Variants in CACNA1C observed in about 807,000 individuals in gnomAD.
CACNA1C encodes calcium voltage-gated channel subunit alpha1 C.
CACNA1C carries 30 observed loss-of-function variants against 229.0 expected under a neutral mutation model. The observed-to-expected ratio is 0.13, with a 90% CI of 0.10 to 0.18. The LOEUF (loss-of-function observed/expected upper bound fraction) is 0.18. Ranked by LOEUF, CACNA1C falls within the 10% of genes least tolerant of loss-of-function variation. The pLI is 1.00. For synonymous variants in CACNA1C, 1,114 were observed against 1,132.5 expected, an observed-to-expected ratio of 0.98 and a Z score of 0.33; for missense variants, 1,658 against 2,845.0, an observed-to-expected ratio of 0.58 and a Z score of 9.49.
intron 1 of CACNA1C, among the ~76,000 whole-genome samples, chr12:2,005,355 A>G (rs2043209152): frequency 6.6e-6 from 1 of 152,220 alleles, no homozygotes; most frequent in Non-Finnish European, 1.5e-5. Context: ...TCTGTGCTTG[A>G]GTTGTAGGCC....
chr12:2,231,472 C>T (rs2065104031), intron 3 of CACNA1C, among the ~76,000 whole-genome samples: 1 of 152,126 alleles, frequency 6.6e-6, no homozygotes, highest in South Asian at 2.1e-4. Flanking sequence ...GTTTCGTCTT[C>T]CTGCTAACCC....
chr12:2,571,192 T>C (rs891103538), intron 13 of CACNA1C, among the ~76,000 whole-genome samples: 2 of 152,170 alleles, frequency 1.3e-5, no homozygotes, highest in Non-Finnish European at 2.9e-5. Flanking sequence ...ACAAAACTGC[T>C]CAGAGGTAAC....
chr12:2,491,009 A>G (rs550092068), intron 6 of CACNA1C, among the ~76,000 whole-genome samples: 1 of 152,358 alleles, frequency 6.6e-6, no homozygotes, highest in Admixed American at 6.5e-5. Flanking sequence ...CAGCTGGTGA[A>G]TGGATAAACA....
At chr12:2,505,428 AT>A (rs1364591915) in intron 8 of CACNA1C, among the ~76,000 whole-genome samples, 1 of 152,100 alleles carries the variant, frequency 6.6e-6, no homozygotes, top group Non-Finnish European at 1.5e-5. Context: ...ATGGGATGCA[AT>A]TTCCTCTAAC....
At chr12:2,260,024 C>T (rs1473024413) in intron 3 of CACNA1C, among the ~76,000 whole-genome samples, 3 of 152,200 alleles carry the variant, frequency 2.0e-5, no homozygotes, top group Non-Finnish European at 4.4e-5. Context: ...CCAGACTGCA[C>T]ACTGGTGTGC....
At chr12:2,519,043 C>A (rs909522708) in intron 9 of CACNA1C, among the ~76,000 whole-genome samples, 2 of 152,246 alleles carry the variant, frequency 1.3e-5, no homozygotes, top group Admixed American at 1.3e-4. Flanking sequence ...CCCTGCCCAG[C>A]AGACCACAGT....
chr12:2,364,780 G>A (rs757988614), intron 3 of CACNA1C, among the ~76,000 whole-genome samples: 5 of 152,100 alleles, frequency 3.3e-5, no homozygotes, highest in South Asian at 4.2e-4. Context: ...AGAGACTGCC[G>A]TACAGAACTC....
intron 1 of CACNA1C, among the ~76,000 whole-genome samples, chr12:2,057,107 G>A (rs1352875686): frequency 1.3e-5 from 2 of 152,198 alleles, no homozygotes; most frequent in Admixed American, 6.5e-5. Context: ...CGTTAGCCCC[G>A]TGGGACCATC....
chr12:1,987,630 C>A (rs1221886415), intron 1 of CACNA1C, among the ~76,000 whole-genome samples: 1 of 152,114 alleles, frequency 6.6e-6, no homozygotes, highest in African/African-American at 2.4e-5. Flanking sequence ...ATCCCTTTCC[C>A]ATATATCATG....
intron 3 of CACNA1C, among the ~76,000 whole-genome samples, chr12:2,335,379 C>T (rs772365433): frequency 3.3e-5 from 5 of 152,090 alleles, no homozygotes; most frequent in Non-Finnish European, 7.4e-5. Flanking sequence ...TTTCCTTCCT[C>T]TTGAGACAAT....
Position 2,685,772 on chromosome 12 carries a change from G to A in CACNA1C, c.5610G>A (p.Thr1870=), listed in dbSNP as rs754665233. 2.0e-5 allele frequency: 32 copies of A among 1,613,600 alleles called. No homozygotes were observed. The highest frequency in any genetic ancestry group is 2.2e-5 in the East Asian group (1 of 44,888). Reference sequence around the variant, plus strand: ...AGGATGACGAAAATCGGCAACTGACGCTCCCAGAGGAGGACAAGAGGGACA... The same window carrying A: ...AGGATGACGAAAATCGGCAACTGACACTCCCAGAGGAGGACAAGAGGGACA... ...SYQDDENRQL[T]LPEEDKRDIR... is the part of the protein sequence containing the mutation. The change falls in exon 44 of 47, where the codon ACG becomes ACA. Residue 1870 remains threonine (T), a synonymous_variant. Transcript: ENST00000399655.
intron 1 of CACNA1C, among the ~76,000 whole-genome samples, chr12:2,059,655 AT>A (rs1026944727): frequency 1.3e-5 from 2 of 152,206 alleles, no homozygotes; most frequent in Admixed American, 1.3e-4. Context: ...TTTGTCAAAC[AT>A]AGAATAAATG....
chr12:2,462,290 C>A (rs1302006525), intron 5 of CACNA1C, among the ~76,000 whole-genome samples: 3 of 148,726 alleles, frequency 2.0e-5, no homozygotes, highest in Non-Finnish European at 4.5e-5. Context: ...CCTCGGCACC[C>A]CCTCGGCTCA....
chr12:2,424,305 G>A (rs575427318), intron 3 of CACNA1C, among the ~76,000 whole-genome samples: 2 of 152,264 alleles, frequency 1.3e-5, no homozygotes, highest in South Asian at 2.1e-4. Flanking sequence ...TGATCTGAGA[G>A]GTCCAGAGAA....
At chr12:2,178,832 C>T (rs772845234) in intron 3 of CACNA1C, among the ~76,000 whole-genome samples, 3 of 152,064 alleles carry the variant, frequency 2.0e-5, no homozygotes, top group East Asian at 1.9e-4. Flanking sequence ...GAGGCCGAGG[C>T]GGGCAGATCA....
chr12:2,116,619 G>A (rs568819412), intron 2 of CACNA1C, among the ~76,000 whole-genome samples: 148 of 152,070 alleles, frequency 9.7e-4, no homozygotes, highest in Non-Finnish European at 1.4e-3. Flanking sequence ...TGCCTGCCTC[G>A]GCCTCCCAAA....
At chr12:2,516,191 G>A (rs958254148) in intron 9 of CACNA1C, among the ~76,000 whole-genome samples, 2 of 152,132 alleles carry the variant, frequency 1.3e-5, no homozygotes, top group African/African-American at 2.4e-5. Context: ...GTTGGGAAAG[G>A]AGCCTTCTAG....
At chr12:2,313,789 C>T (rs1000894431) in intron 3 of CACNA1C, among the ~76,000 whole-genome samples, 3 of 152,186 alleles carry the variant, frequency 2.0e-5, no homozygotes, top group Admixed American at 1.3e-4. Flanking sequence ...GAGACTGAGG[C>T]AGACAGGGTT....
chr12:2,154,292 G>A (rs2095439899), intron 3 of CACNA1C, among the ~76,000 whole-genome samples: 2 of 152,218 alleles, frequency 1.3e-5, no homozygotes, highest in Non-Finnish European at 2.9e-5. Flanking sequence ...ACAGGGGATG[G>A]TACACTTGGA....
Sources: gnomAD v4.1 joint callset for allele counts (sites outside exome capture counted in the v4.1 genomes callset) on GRCh38, gnomAD v4.1.1 for gene constraint, MANE v1.5 for transcripts, NCBI Gene and HGNC (gene_info 2026-07-23, HGNC 2026-07-21) for gene names.